The following PDE1A variants were observed in gnomAD, a reference collection of about 807,000 sequenced individuals.
PDE1A encodes phosphodiesterase 1A, also known as dual specificity calcium/calmodulin-dependent 3',5'-cyclic nucleotide phosphodiesterase 1A.
Under a neutral mutation model 61.7 loss-of-function variants are expected in PDE1A, and 35 were observed. That is an observed-to-expected ratio of 0.57 (90% CI 0.43 to 0.75). PDE1A has a LOEUF of 0.75. Among genes scored for constraint, PDE1A ranks in the 30% least tolerant of loss-of-function variants. PDE1A has a pLI of 0.00. For missense variants in PDE1A, 597 were observed against 630.6 expected (o/e 0.95, Z 0.57); for synonymous variants, 232 against 213.2 (o/e 1.09, Z -0.77).
chr2:182,533,647 T>C, the PDE1A span, among the ~76,000 whole-genome samples: 2 of 152,164 alleles, frequency 1.3e-5, no homozygotes, highest in Non-Finnish European at 2.9e-5. Flanking sequence ...TATCAATAGA[T>C]ATAAAAGTGT....
chr2:182,695,338 C>A, the PDE1A span, among the ~76,000 whole-genome samples: 1 of 152,032 alleles, frequency 6.6e-6, no homozygotes, highest in Admixed American at 6.6e-5. Context: ...TTCATGGGAA[C>A]CAGCATGGAA....
chr2:182,472,645 T>A (rs973966993), intron 2 of PDE1A, among the ~76,000 whole-genome samples: 1 of 151,866 alleles, frequency 6.6e-6, no homozygotes, highest in East Asian at 1.9e-4. Context: ...CTGAAGACTC[T>A]GACTTCATGA....
chr2:182,220,125 C>G lies in PDE1A; in HGVS notation c.776+3739G>C, dbSNP rs1688597104. Among the ~76,000 whole-genome samples, 3 of 151,840 alleles carry G rather than the reference C, an allele frequency of 2.0e-5. No homozygotes were observed. The South Asian group carries it at 6.2e-4, about 31-fold the overall frequency. On this transcript the variant is annotated intron_variant, in intron 7 of 13. Transcript: ENST00000351439. ...GAAATAATATATGTCTTTAATAGCACATATTTCTAAAATAGATTTCCATTT... is the reference window on the plus strand; with the variant it reads ...GAAATAATATATGTCTTTAATAGCAGATATTTCTAAAATAGATTTCCATTT...
chr2:182,274,110 A>G (rs1191516327), intron 1 of PDE1A, among the ~76,000 whole-genome samples: 3 of 151,952 alleles, frequency 2.0e-5, no homozygotes, highest in African/African-American at 7.2e-5. Context: ...TTTTATGAAG[A>G]CACTAATCCC....
At chr2:182,322,008 C>G (rs1445257802) in intron 1 of PDE1A, among the ~76,000 whole-genome samples, 15 of 152,114 alleles carry the variant, frequency 9.9e-5, no homozygotes. Flanking sequence ...TTTAGAAGGA[C>G]AGTGTGGTGT....
the PDE1A span, among the ~76,000 whole-genome samples, chr2:182,664,241 G>A: frequency 0.64 from 97,611 of 152,050 alleles, 31,824 homozygotes; most frequent in Middle Eastern, 0.78. Flanking sequence ...TAAAGTCAAA[G>A]ATGCACAGAT....
intron 1 of PDE1A, among the ~76,000 whole-genome samples, chr2:182,342,421 C>T (rs1036673797): frequency 3.3e-5 from 5 of 152,212 alleles, no homozygotes; most frequent in African/African-American, 4.8e-5. Context: ...CGGTGGCTCA[C>T]GCCTGTAATC....
chr2:182,641,273 A>T, the PDE1A span, among the ~76,000 whole-genome samples: 1 of 152,080 alleles, frequency 6.6e-6, no homozygotes, highest in Non-Finnish European at 1.5e-5. Context: ...AGGATGAGAC[A>T]GATTTTTCAC....
the PDE1A span, among the ~76,000 whole-genome samples, chr2:182,655,689 C>A: frequency 6.6e-6 from 1 of 152,148 alleles, no homozygotes; most frequent in African/African-American, 2.4e-5. Flanking sequence ...TCTTTTTCCC[C>A]GGCAAGGAGA....
At chr2:182,532,945 CAAAAAAAA>C in the PDE1A span, among the ~76,000 whole-genome samples, 12 of 21,174 alleles carry the variant, frequency 5.7e-4, no homozygotes, top group South Asian at 0.015. Context: ...GACTCCGTCT[CAAAAAAAA>C]AAAAAAAAAA....
chr2:182,207,532 T>A (rs866571801), intron 7 of PDE1A, among the ~76,000 whole-genome samples: 1 of 152,318 alleles, frequency 6.6e-6, no homozygotes, highest in East Asian at 1.9e-4. Context: ...AGAAATTACC[T>A]GAAACTGGAA....
chr2:182,518,955 CA>C (rs1452000049), intron 2 of PDE1A, among the ~76,000 whole-genome samples: 1 of 151,834 alleles, frequency 6.6e-6, no homozygotes, highest in African/African-American at 2.4e-5. Flanking sequence ...ATAAAATCCA[CA>C]GGTGTGGAAC....
intron 13 of PDE1A, among the ~76,000 whole-genome samples, chr2:182,160,769 C>A (rs1272251109): frequency 6.6e-6 from 1 of 152,148 alleles, no homozygotes; most frequent in East Asian, 1.9e-4. Flanking sequence ...CAATTTTCCC[C>A]AATAAATTCC....
chr2:182,401,136 C>T (rs1390798009), intron 1 of PDE1A, among the ~76,000 whole-genome samples: 3 of 152,116 alleles, frequency 2.0e-5, no homozygotes, highest in Non-Finnish European at 4.4e-5. Flanking sequence ...CTATTCCAAA[C>T]AATAGAAAAA....
intron 4 of PDE1A, among the ~76,000 whole-genome samples, chr2:182,231,522 G>C (rs1465411518): frequency 2.0e-5 from 3 of 152,100 alleles, no homozygotes; most frequent in African/African-American, 4.8e-5. Flanking sequence ...AGAAAAAATA[G>C]TCCCGGTTTT....
At chr2:182,403,594 G>A (rs1243221339) in intron 1 of PDE1A, among the ~76,000 whole-genome samples, 30 of 105,224 alleles carry the variant, frequency 2.9e-4, no homozygotes, top group African/African-American at 1.2e-3. Flanking sequence ...GCCAGACTCC[G>A]TCTCAAAAAA....
At chr2:182,417,840 A>G (rs1174306874) in intron 1 of PDE1A, among the ~76,000 whole-genome samples, 1 of 152,132 alleles carries the variant, frequency 6.6e-6, no homozygotes, top group African/African-American at 2.4e-5. Context: ...CAAATGCAGA[A>G]GTTTGTTGTG....
chr2:182,641,195 A>G, the PDE1A span, among the ~76,000 whole-genome samples: 1 of 152,074 alleles, frequency 6.6e-6, no homozygotes, highest in Non-Finnish European at 1.5e-5. Flanking sequence ...AACTAAAAAG[A>G]TGGTTGCCTA....
At chr2:182,684,321 C>CATTTTATTGT in the PDE1A span, among the ~76,000 whole-genome samples, 1 of 151,830 alleles carries the variant, frequency 6.6e-6, no homozygotes, top group Non-Finnish European at 1.5e-5. Context: ...ATATAGTATA[C>CATTTTATTGT]ATTTTATTGT....
Sources: gnomAD v4.1 joint callset for allele counts (sites outside exome capture counted in the v4.1 genomes callset) on GRCh38, gnomAD v4.1.1 for gene constraint, MANE v1.5 for transcripts, NCBI Gene and HGNC (gene_info 2026-07-23, HGNC 2026-07-21) for gene names.